Variants in LGSN observed in about 807,000 individuals in gnomAD.
The protein encoded by LGSN is lengsin.
LGSN carries 21 observed loss-of-function variants against 19.5 expected under a neutral mutation model. The observed-to-expected ratio is 1.07, with a 90% CI of 0.76 to 1.55. The LOEUF (loss-of-function observed/expected upper bound fraction) is 1.55. Ranked by LOEUF, LGSN falls within the 40% of genes most tolerant of loss-of-function variation. The probability of loss-of-function intolerance (pLI) is 0.00; values close to 1 mark genes in which losing one functional copy is unlikely to be tolerated. For missense variants in LGSN, 673 were observed against 608.5 expected (o/e 1.11, Z -1.12); for synonymous variants, 257 against 215.6 (o/e 1.19, Z -1.68).
At chr6:63,510,859 A>G in the LGSN span, among the ~76,000 whole-genome samples, 3 of 151,902 alleles carry the variant, frequency 2.0e-5, no homozygotes, top group South Asian at 4.2e-4. Context: ...TTTTCAGTGG[A>G]GACAGGATTT....
At chr6:63,514,146 A>G in the LGSN span, among the ~76,000 whole-genome samples, 1 of 152,178 alleles carries the variant, frequency 6.6e-6, no homozygotes, top group East Asian at 1.9e-4. Flanking sequence ...AAAGAACCAA[A>G]GGCACACTAC....
At chr6:63,295,797 CAG>C (rs1390888941) in intron 1 of LGSN, among the ~76,000 whole-genome samples, 1 of 151,868 alleles carries the variant, frequency 6.6e-6, no homozygotes, top group Non-Finnish European at 1.5e-5. Context: ...TAACAGTGCA[CAG>C]AGTCACCCCT....
chr6:63,463,712 G>C, the LGSN span, among the ~76,000 whole-genome samples: 1 of 152,102 alleles, frequency 6.6e-6, no homozygotes, highest in Non-Finnish European at 1.5e-5. Flanking sequence ...ACCAAACTAG[G>C]CTTTGATGTA....
the LGSN span, among the ~76,000 whole-genome samples, chr6:63,497,827 T>C: frequency 1.3e-5 from 2 of 152,016 alleles, no homozygotes; most frequent in Non-Finnish European, 2.9e-5. Flanking sequence ...GTTCAATGGC[T>C]GACCTAGCAT....
the LGSN span, among the ~76,000 whole-genome samples, chr6:63,508,601 G>A: frequency 1.6e-4 from 24 of 152,200 alleles, no homozygotes; most frequent in South Asian, 2.7e-3. Context: ...CACTTCAGTA[G>A]GGAGGGAGAT....
the LGSN span, among the ~76,000 whole-genome samples, chr6:63,561,658 T>C: frequency 1.0e-2 from 1,522 of 152,294 alleles, 9 homozygotes; most frequent in South Asian, 0.033. Context: ...GTTTTAGATG[T>C]TTCCAAACGT....
the LGSN span, among the ~76,000 whole-genome samples, chr6:63,372,699 T>G: frequency 6.6e-6 from 1 of 152,090 alleles, no homozygotes; most frequent in African/African-American, 2.4e-5. Flanking sequence ...ATCAGCAAAG[T>G]CCTTATCCTA....
chr6:63,307,939 A>G (rs976866762), intron 1 of LGSN, among the ~76,000 whole-genome samples: 4 of 152,224 alleles, frequency 2.6e-5, no homozygotes, highest in African/African-American at 9.6e-5. Context: ...AGTGTGATCC[A>G]AATAGCCTGG....
chr6:63,530,201 A>T, the LGSN span, among the ~76,000 whole-genome samples: 1 of 152,224 alleles, frequency 6.6e-6, no homozygotes, highest in East Asian at 1.9e-4. Context: ...ACAGCCATGA[A>T]GTTAATTTAC....
chr6:63,281,305 AT>A (rs1342634692), intron 3 of LGSN, 85 bp from the exon 4 acceptor site: 2,772 of 50,960 alleles, frequency 0.054, 119 homozygotes, highest in African/African-American at 0.12. Flanking sequence ...GCTAATGAAA[AT>A]ATATATATAT....
the LGSN span, among the ~76,000 whole-genome samples, chr6:63,517,849 A>G: frequency 2.6e-5 from 4 of 152,114 alleles, no homozygotes; most frequent in African/African-American, 7.2e-5. Context: ...AAAAGAATCC[A>G]TTGACACATA....
the LGSN span, among the ~76,000 whole-genome samples, chr6:63,518,950 G>A: frequency 6.6e-6 from 1 of 152,128 alleles, no homozygotes; most frequent in Non-Finnish European, 1.5e-5. Flanking sequence ...AGCAGGATCT[G>A]GGTAGCACCC....
chr6:63,367,954 G>A, the LGSN span, among the ~76,000 whole-genome samples: 63 of 151,760 alleles, frequency 4.2e-4, no homozygotes, highest in Non-Finnish European at 7.1e-4. Context: ...GGTGGGGGAA[G>A]GGGGGAGGGA....
the LGSN span, chr6:63,572,735 A>T: frequency 2.5e-6 from 1 of 398,330 alleles, no homozygotes; most frequent in Non-Finnish European, 4.4e-6. Flanking sequence ...TAGCCGTCGC[A>T]TCGTCGCCTC....
At chr6:63,404,365 G>A in the LGSN span, among the ~76,000 whole-genome samples, 3 of 152,024 alleles carry the variant, frequency 2.0e-5, no homozygotes, top group African/African-American at 7.2e-5. Context: ...AATATTAATA[G>A]ATGGAATCTA....
chr6:63,334,100 A>T, the LGSN span, among the ~76,000 whole-genome samples: 1 of 152,238 alleles, frequency 6.6e-6, no homozygotes, highest in African/African-American at 2.4e-5. Flanking sequence ...TATATTCAAC[A>T]TAGTACTAGA....
chr6:63,423,482 A>G, the LGSN span, among the ~76,000 whole-genome samples: 2 of 151,956 alleles, frequency 1.3e-5, no homozygotes, highest in African/African-American at 4.8e-5. Context: ...CCAAAAAAAA[A>G]AAAAAAATAG....
At chr6:63,352,987 A>C in the LGSN span, among the ~76,000 whole-genome samples, 1 of 152,102 alleles carries the variant, frequency 6.6e-6, no homozygotes, top group Admixed American at 6.6e-5. Flanking sequence ...AACAACCTCC[A>C]TCTGTCTTTC....
the LGSN span, among the ~76,000 whole-genome samples, chr6:63,559,839 C>G: frequency 6.6e-6 from 1 of 152,124 alleles, no homozygotes; most frequent in Non-Finnish European, 1.5e-5. Flanking sequence ...TTTGCCCAGG[C>G]TGGTTTCGAA....
Sources: gnomAD v4.1 joint callset for allele counts (sites outside exome capture counted in the v4.1 genomes callset) on GRCh38, gnomAD v4.1.1 for gene constraint, MANE v1.5 for transcripts, NCBI Gene and HGNC (gene_info 2026-07-23, HGNC 2026-07-21) for gene names.